The following NKAIN1 variants were observed in gnomAD, a reference collection of about 807,000 sequenced individuals.
NKAIN1 encodes sodium/potassium transporting ATPase interacting 1.
A neutral mutation model predicts 31.6 loss-of-function variants in NKAIN1; 13 were observed. The observed-to-expected ratio is 0.41, with a 90% confidence interval of 0.27 to 0.65. The LOEUF (loss-of-function observed/expected upper bound fraction) is 0.65. Ranked by LOEUF, NKAIN1 falls within the 30% of genes least tolerant of loss-of-function variation. The pLI, the probability that NKAIN1 is intolerant of heterozygous loss-of-function variation, is 0.30. For missense variants in NKAIN1, 193 were observed against 262.2 expected (o/e 0.74, Z 1.82); for synonymous variants, 104 against 109.0 (o/e 0.95, Z 0.28).
intron 1 of NKAIN1, among the ~76,000 whole-genome samples, chr1:31,218,473 A>G (rs1645535381): frequency 6.6e-6 from 1 of 152,118 alleles, no homozygotes; most frequent in Non-Finnish European, 1.5e-5. Context: ...AGGTACACTC[A>G]TCTCCACTTT....
At chr1:31,182,690 C>T in intron 4 of NKAIN1, 100 bp from the exon 5 acceptor site, 1 of 1,315,512 alleles carries the variant, frequency 7.6e-7, no homozygotes, top group Admixed American at 1.9e-5. Context: ...AGGGAGGAGG[C>T]ATGCCAGGAT....
chr1:31,227,141 C>T (rs1042916543), intron 1 of NKAIN1, among the ~76,000 whole-genome samples: 1 of 152,148 alleles, frequency 6.6e-6, no homozygotes, highest in Non-Finnish European at 1.5e-5. Context: ...AATCTTTTTA[C>T]CCCTTTATGA....
chr1:31,201,608 TC>T (rs1645380766), intron 1 of NKAIN1, among the ~76,000 whole-genome samples: 1 of 151,980 alleles, frequency 6.6e-6, no homozygotes, highest in Admixed American at 6.6e-5. Flanking sequence ...TGATCCTCCC[TC>T]CTGGGCCTCC....
intron 1 of NKAIN1, among the ~76,000 whole-genome samples, chr1:31,228,682 C>T (rs1446380974): frequency 6.6e-6 from 1 of 152,028 alleles, no homozygotes; most frequent in Non-Finnish European, 1.5e-5. Context: ...CACACTTGAC[C>T]TCCTGGGCTC....
intron 1 of NKAIN1, among the ~76,000 whole-genome samples, chr1:31,209,856 G>A (rs777228396): frequency 6.6e-6 from 1 of 151,804 alleles, no homozygotes; most frequent in South Asian, 2.1e-4. Context: ...GTGTGGTGGT[G>A]CATGTCTGTA....
chr1:31,221,894 T>A (rs1431573391), intron 1 of NKAIN1, among the ~76,000 whole-genome samples: 6 of 151,844 alleles, frequency 4.0e-5, no homozygotes, highest in African/African-American at 1.5e-4. Flanking sequence ...ATTTTATTTT[T>A]TTGAGACAGA....
intron 1 of NKAIN1, among the ~76,000 whole-genome samples, chr1:31,228,973 G>T (rs529251584): frequency 6.6e-6 from 1 of 152,208 alleles, no homozygotes; most frequent in East Asian, 1.9e-4. Flanking sequence ...CCTCTGGAGG[G>T]TCTGAAAGCT....
intron 1 of NKAIN1, among the ~76,000 whole-genome samples, chr1:31,226,988 C>A (rs1046687820): frequency 2.0e-5 from 3 of 151,540 alleles, no homozygotes; most frequent in Middle Eastern, 3.4e-3. Context: ...CCACACCCAG[C>A]TAATTTTTGT....
intron 1 of NKAIN1, among the ~76,000 whole-genome samples, chr1:31,221,079 C>T (rs754460543): frequency 3.3e-5 from 5 of 152,078 alleles, no homozygotes; most frequent in East Asian, 3.9e-4. Context: ...GGTGAGCATG[C>T]GGGAGTACAG....
At chr1:31,216,639 G>A (rs921167933) in intron 1 of NKAIN1, among the ~76,000 whole-genome samples, 29 of 152,114 alleles carry the variant, frequency 1.9e-4, no homozygotes, top group Admixed American at 1.6e-3. Flanking sequence ...GAGGAGGGGC[G>A]AGGCCATCAT....
At chr1:31,230,679 C>A (rs949119237) in intron 1 of NKAIN1, among the ~76,000 whole-genome samples, 13 of 152,246 alleles carry the variant, frequency 8.5e-5, no homozygotes, top group African/African-American at 3.1e-4. Context: ...CAGCTCTCCC[C>A]CCATGGCCTG....
At chr1:31,225,363 C>T (rs1257260467) in intron 1 of NKAIN1, among the ~76,000 whole-genome samples, 1 of 96,004 alleles carries the variant, frequency 1.0e-5, no homozygotes, top group Admixed American at 1.5e-4. Context: ...AAGACAGAGT[C>T]TTACTCTGTT....
At chr1:31,198,652 GC>G (rs1340843103) in intron 1 of NKAIN1, among the ~76,000 whole-genome samples, 1 of 151,848 alleles carries the variant, frequency 6.6e-6, no homozygotes. Context: ...AACCTAACTG[GC>G]CCTTCTGCTC....
At chr1:31,212,570 A>C (rs2148359781) in intron 1 of NKAIN1, among the ~76,000 whole-genome samples, 1 of 152,170 alleles carries the variant, frequency 6.6e-6, no homozygotes, top group African/African-American at 2.4e-5. Flanking sequence ...AAACCCGGCT[A>C]CTTTTTGGAT....
chr1:31,227,865 G>T (rs915592326), intron 1 of NKAIN1, among the ~76,000 whole-genome samples: 1 of 152,190 alleles, frequency 6.6e-6, no homozygotes, highest in Non-Finnish European at 1.5e-5. Context: ...CTCCCTGGTG[G>T]CTCCAACGCT....
chr1:31,188,377 C>A, intron 1 of NKAIN1, 190 bp from the exon 2 acceptor site: 1 of 628,468 alleles, frequency 1.6e-6, no homozygotes. Context: ...TTGGGGTGGG[C>A]TGAAAGGTGA....
rs1305798574 is a variant in NKAIN1 at position 31,239,387 on chromosome 1, C to G, written c.54+107G>C. ...CCAGACCACCCCCCGCCCGGGCACA[C>G]GCACCAGACACACACACAGAGACAC... On this transcript the variant is annotated intron_variant, in intron 1 of 6. Transcript: ENST00000373736. This position sits in a 1 kb window ranked among gnomAD's most constrained non-coding sequence, Gnocchi z 4.8. The G allele has an allele frequency of 5.0e-6, 4 of 806,838 alleles. No homozygotes were observed. Among genetic ancestry groups the G allele is most frequent in the Non-Finnish European group, 5.1e-6 (3 of 582,744 alleles). The allele number at this position is 806,838 out of a possible 1,614,324, so 50.0% of individuals were successfully genotyped here. A position where few individuals can be genotyped will look rare whatever the true frequency, so the allele number is the denominator to read the frequency against.
intron 1 of NKAIN1, among the ~76,000 whole-genome samples, chr1:31,202,474 G>A (rs548062377): frequency 1.6e-4 from 24 of 151,826 alleles, no homozygotes; most frequent in Non-Finnish European, 2.9e-4. Context: ...TCAGGAGATC[G>A]AGACCATCCT....
chr1:31,197,606 G>A (rs991673558), intron 1 of NKAIN1, among the ~76,000 whole-genome samples: 2 of 141,728 alleles, frequency 1.4e-5, no homozygotes, highest in Non-Finnish European at 3.0e-5. Flanking sequence ...GAGTGCAGTG[G>A]CGCGATCTCG....
Sources: allele counts gnomAD v4.1 joint callset (sites outside exome capture counted in the v4.1 genomes callset), GRCh38; gene constraint gnomAD v4.1.1; non-coding constraint Gnocchi (gnomAD v3.1); transcripts MANE v1.5; gene names NCBI Gene and HGNC (gene_info 2026-07-23, HGNC 2026-07-21).